Variants in LRRC4C observed in about 807,000 individuals in gnomAD.
LRRC4C encodes leucine rich repeat containing 4C.
Under a neutral mutation model 33.6 loss-of-function variants are expected in LRRC4C, and 5 were observed. The observed-to-expected ratio is 0.15, with a 90% CI of 0.08 to 0.31. The LOEUF is 0.31. Among genes scored for constraint, LRRC4C ranks in the 10% least tolerant of loss-of-function variants. The probability of loss-of-function intolerance (pLI) is 1.00; values close to 1 mark genes in which losing one functional copy is unlikely to be tolerated. For synonymous variants in LRRC4C, 329 were observed against 302.0 expected, an observed-to-expected ratio of 1.09 and a Z score of -0.93; for missense variants, 560 against 796.7, an observed-to-expected ratio of 0.70 and a Z score of 3.58.
At chr11:40,880,324 A>C (rs1211211167) in intron 2 of LRRC4C, among the ~76,000 whole-genome samples, 3 of 152,150 alleles carry the variant, frequency 2.0e-5, no homozygotes, top group Non-Finnish European at 4.4e-5. Context: ...TAATAAAATG[A>C]TTGCTATTGC....
chr11:40,303,159 G>A (rs957315695), intron 4 of LRRC4C, among the ~76,000 whole-genome samples: 1 of 152,114 alleles, frequency 6.6e-6, no homozygotes, highest in South Asian at 2.1e-4. Context: ...AAGAACAACG[G>A]AAAACCAGAG....
At chr11:41,213,304 T>G (rs1276043485) in intron 1 of LRRC4C, among the ~76,000 whole-genome samples, 1 of 152,214 alleles carries the variant, frequency 6.6e-6, no homozygotes, top group Non-Finnish European at 1.5e-5. Flanking sequence ...ACAAGTCCTA[T>G]GATCATATTT....
rs76888827 is a variant in LRRC4C at position 41,122,143 on chromosome 11, G to A, written c.-495-188420C>T. ...AAAACCTTGAACCAAATGGATATAC[G>A]TTGAAGAGAAATAGCTAGCTGAGAC... On this transcript the variant is annotated intron_variant, in intron 1 of 6. Transcript: ENST00000528697. Among the ~76,000 whole-genome samples, 524 of 152,192 alleles carry A rather than the reference G, an allele frequency of 3.4e-3. 2 individuals are homozygous for A. Among genetic ancestry groups the A allele is most frequent in the African/African-American group, 0.012 (489 of 41,534 alleles).
rs1005252245 is a variant in LRRC4C, at chr11:40,843,707, C to A, written c.-407+89928G>T. 5.3e-5 allele frequency among the ~76,000 whole-genome samples: 8 copies of A among 152,130 alleles called. No individual in the cohort carries two copies. In the East Asian group the frequency reaches 1.5e-3, roughly 29 times the overall value. The stretch of plus-strand genomic sequence containing the variant: ...TAAACCATTTATTCCATAATAGTTA[C>A]CTGCTAAGCAGTATGCTCAAAATTT... On this transcript the variant is annotated intron_variant, in intron 2 of 6. Coordinates refer to ENST00000528697, the MANE Select transcript of LRRC4C (RefSeq NM_001258419.2).
At chr11:40,545,777 C>A (rs1271108446) in intron 3 of LRRC4C, among the ~76,000 whole-genome samples, 3 of 151,834 alleles carry the variant, frequency 2.0e-5, no homozygotes, top group African/African-American at 7.2e-5. Context: ...ATGTAGAGAG[C>A]CTTGGTCAAC....
chr11:40,967,304 T>C (rs200905877), intron 1 of LRRC4C, among the ~76,000 whole-genome samples: 2 of 151,866 alleles, frequency 1.3e-5, no homozygotes, highest in East Asian at 1.9e-4. Flanking sequence ...CATGAATAAA[T>C]AGTAGGCTTG....
intron 2 of LRRC4C, among the ~76,000 whole-genome samples, chr11:40,880,935 A>AT (rs1400018323): frequency 6.6e-6 from 1 of 151,478 alleles, no homozygotes; most frequent in African/African-American, 2.4e-5. Flanking sequence ...ATTCTACCAC[A>AT]TGTTGTAAGG....
At chr11:40,154,112 G>T (rs1036293433) in intron 5 of LRRC4C, among the ~76,000 whole-genome samples, 15 of 152,070 alleles carry the variant, frequency 9.9e-5, no homozygotes, top group African/African-American at 2.7e-4. Context: ...AGCTAGACGG[G>T]ATTGGGGCCC....
intron 1 of LRRC4C, among the ~76,000 whole-genome samples, chr11:41,052,038 C>T (rs200295268): frequency 7.7e-4 from 117 of 152,144 alleles, no homozygotes; most frequent in African/African-American, 2.7e-3. Context: ...TATTGAAATC[C>T]TCTAGGTTCT....
At chr11:41,006,107 A>G (rs1340268869) in intron 1 of LRRC4C, among the ~76,000 whole-genome samples, 1 of 152,180 alleles carries the variant, frequency 6.6e-6, no homozygotes, top group Non-Finnish European at 1.5e-5. Context: ...ACACAAAAAA[A>G]TGCTTTAAGC....
chr11:40,210,861 C>A (rs1052778259), intron 5 of LRRC4C, among the ~76,000 whole-genome samples: 1 of 152,202 alleles, frequency 6.6e-6, no homozygotes, highest in African/African-American at 2.4e-5. Context: ...CAAGCTCCGC[C>A]TCCCGGGTTC....
At chr11:41,067,389 C>T (rs1005115787) in intron 1 of LRRC4C, among the ~76,000 whole-genome samples, 3 of 152,206 alleles carry the variant, frequency 2.0e-5, no homozygotes, top group Non-Finnish European at 4.4e-5. Flanking sequence ...TATATGCACT[C>T]AATACAGGAG....
chr11:41,082,826 C>T (rs1245968100), intron 1 of LRRC4C, among the ~76,000 whole-genome samples: 2 of 151,952 alleles, frequency 1.3e-5, no homozygotes, highest in African/African-American at 4.8e-5. Flanking sequence ...TCTTCCATCC[C>T]CTTCTTCCAT....
intron 1 of LRRC4C, among the ~76,000 whole-genome samples, chr11:41,009,515 A>G (rs1855018901): frequency 6.6e-6 from 1 of 152,226 alleles, no homozygotes; most frequent in East Asian, 1.9e-4. Flanking sequence ...GCCACAGGCA[A>G]ATCATATAGC....
At chr11:40,122,276 G>C (rs928331682) in intron 6 of LRRC4C, among the ~76,000 whole-genome samples, 1 of 151,778 alleles carries the variant, frequency 6.6e-6, no homozygotes, top group Non-Finnish European at 1.5e-5. Flanking sequence ...TAAGTTCCTG[G>C]ATACATGTGC....
intron 2 of LRRC4C, among the ~76,000 whole-genome samples, chr11:40,914,196 A>G (rs528979780): frequency 6.6e-6 from 1 of 152,324 alleles, no homozygotes; most frequent in African/African-American, 2.4e-5. Flanking sequence ...AAGTCATTTT[A>G]TGAGGCCAGC....
intron 3 of LRRC4C, among the ~76,000 whole-genome samples, chr11:40,397,837 T>C (rs1949602890): frequency 1.3e-5 from 2 of 152,088 alleles, no homozygotes; most frequent in East Asian, 1.9e-4. Context: ...TAAATACCAG[T>C]GTGGGAAAGG....
intron 3 of LRRC4C, among the ~76,000 whole-genome samples, chr11:40,593,473 A>C (rs1342954645): frequency 6.6e-6 from 1 of 152,210 alleles, no homozygotes; most frequent in Non-Finnish European, 1.5e-5. Context: ...ACAATTAGGA[A>C]TTATACATAT....
intron 4 of LRRC4C, among the ~76,000 whole-genome samples, chr11:40,249,719 T>G: frequency 6.6e-6 from 1 of 152,218 alleles, no homozygotes; most frequent in Non-Finnish European, 1.5e-5. Context: ...TACTTAATAC[T>G]TAAGGTCTCT....
Sources: gnomAD v4.1 joint callset for allele counts (sites outside exome capture counted in the v4.1 genomes callset) on GRCh38, gnomAD v4.1.1 for gene constraint, MANE v1.5 for transcripts, NCBI Gene and HGNC (gene_info 2026-07-23, HGNC 2026-07-21) for gene names.